Variants in NOC3L observed in about 807,000 individuals in gnomAD.
NOC3L encodes nucleolar complex protein 3 homolog.
A neutral mutation model predicts 102.5 loss-of-function variants in NOC3L; 85 were observed. The ratio of observed to expected loss-of-function variants is 0.83; its 90% CI spans 0.70 to 0.99. NOC3L has a LOEUF of 0.99. Among genes scored for constraint, NOC3L ranks in the 50% least tolerant of loss-of-function variants. The pLI, the probability that NOC3L is intolerant of heterozygous loss-of-function variation, is 0.00. For synonymous variants in NOC3L, 303 were observed against 309.4 expected (o/e 0.98, Z 0.22); for missense variants, 878 against 914.9 (o/e 0.96, Z 0.52).
chr10:94,324,966 G>GC, the NOC3L span: 1 of 1,614,108 alleles, frequency 6.2e-7, no homozygotes, highest in Non-Finnish European at 8.5e-7. Flanking sequence ...CAACTAAACA[G>GC]CCCCGAGGAC....
intron 7 of NOC3L, 53 bp from the exon 8 acceptor site, chr10:94,352,456 C>A: frequency 8.3e-7 from 1 of 1,199,940 alleles, no homozygotes; most frequent in Non-Finnish European, 1.2e-6. Flanking sequence ...ATTAAAAGCC[C>A]AAAATTAGTA....
the NOC3L span, chr10:94,322,109 T>C: frequency 1.9e-6 from 3 of 1,542,968 alleles, no homozygotes; most frequent in Non-Finnish European, 2.7e-6. Flanking sequence ...GCATAAATTA[T>C]TGGAACAAAT....
At chr10:94,357,590 T>TAA in intron 3 of NOC3L, 1 of 296,254 alleles carries the variant, frequency 3.4e-6, no homozygotes, top group Non-Finnish European at 6.1e-6. Context: ...AGGTGAAAGT[T>TAA]ACAGCAGATT....
chr10:94,349,265 G>A lies in NOC3L; in HGVS notation c.1242C>T (p.Tyr414=), dbSNP rs759124369. The change falls in exon 10 of 21, where the codon TAC becomes TAT. Residue 414 remains tyrosine, a synonymous_variant. Coordinates refer to ENST00000371361, the MANE Select transcript of NOC3L (RefSeq NM_022451.11). ...VISGFVKGRN[Y]EVRPEMLKTF... Reference sequence around the variant, plus strand: ...AAAGGCTCACCTCTGGCCTAACTTCGTAATTTCTGCCCTTCACAAAACCAG... The same window carrying A: ...AAAGGCTCACCTCTGGCCTAACTTCATAATTTCTGCCCTTCACAAAACCAG... 1.5e-5 allele frequency: 24 copies of A among 1,565,946 alleles called. No homozygotes were observed. The highest frequency in any genetic ancestry group is 2.8e-5 in the African/African-American group (2 of 71,046).
chr10:94,344,974 C>T (rs370353485), intron 11 of NOC3L, 41 bp from the exon 12 acceptor site: 11 of 1,437,792 alleles, frequency 7.7e-6, no homozygotes, highest in Non-Finnish European at 1.1e-5. Context: ...GAGCATATAC[C>T]ACAGAGTGAA....
rs935688490 is a variant in NOC3L at position 94,336,602 on chromosome 10, C to A, written c.2189+1175G>T. Among the ~76,000 whole-genome samples the A allele has an allele frequency of 4.1e-4, 62 of 151,856 alleles. 1 individual carries two copies. The highest frequency in any genetic ancestry group is 7.5e-4 in the Non-Finnish European group (51 of 67,928). The stretch of plus-strand genomic sequence containing the variant: ...ACCTCAGGTGATCCACCCGCATCGG[C>A]CTCCCAAAGTGCTGGGATTACAGGC... On this transcript the variant is annotated intron_variant, in intron 19 of 20. Transcript: ENST00000371361.
intron 10 of NOC3L, among the ~76,000 whole-genome samples, chr10:94,348,825 A>G (rs1589572058): frequency 6.6e-6 from 1 of 152,162 alleles, no homozygotes; most frequent in African/African-American, 2.4e-5. Flanking sequence ...TGAAAAAATA[A>G]TATGGCCAAA....
intron 6 of NOC3L, among the ~76,000 whole-genome samples, chr10:94,354,040 T>C (rs1174095115): frequency 1.3e-5 from 2 of 152,160 alleles, no homozygotes; most frequent in Non-Finnish European, 2.9e-5. Context: ...TTTCCAGCTG[T>C]AAAATTAGAT....
chr10:94,334,846 A>G, intron 19 of NOC3L, 128 bp from the exon 20 acceptor site: 1 of 665,202 alleles, frequency 1.5e-6, no homozygotes, highest in East Asian at 2.6e-5. Context: ...AAACTAACCA[A>G]CCAATCCAGT....
At chr10:94,356,475 A>AT in intron 5 of NOC3L, 60 bp downstream of exon 5, 1 of 1,006,662 alleles carries the variant, frequency 9.9e-7, no homozygotes, top group East Asian at 2.4e-5. Context: ...ATTAACTCAC[A>AT]TTTACTATTA....
chr10:94,328,803 C>CAGTT (rs1329546246), downstream of NOC3L: 3 of 151,938 alleles, frequency 2.0e-5, no homozygotes, highest in African/African-American at 7.3e-5. Flanking sequence ...ATTGCCTATT[C>CAGTT]AGTTAATAGG....
chr10:94,354,500 A>G (rs373032762), intron 6 of NOC3L, among the ~76,000 whole-genome samples: 5 of 152,330 alleles, frequency 3.3e-5, no homozygotes, highest in Middle Eastern at 3.4e-3. Flanking sequence ...ACGACTATAC[A>G]CATGGCACAA....
intron 14 of NOC3L, among the ~76,000 whole-genome samples, chr10:94,341,007 C>CA (rs2054278425): frequency 6.9e-6 from 1 of 145,534 alleles, no homozygotes; most frequent in South Asian, 2.2e-4. Flanking sequence ...AAAATTTCTA[C>CA]AAAAAAATAG....
In NOC3L at chr10:94,358,095, T is replaced by C. The variant is rs2054509024; in HGVS notation, c.338A>G (p.Asp113Gly). ...LGQRVSFLTR[D>G]LSSSEPVHAK... The stretch of plus-strand genomic sequence containing the variant: ...AATGAAGTATTACCTAGAAGAAAGA[T>C]CTCTTGTTAGAAAAGATACTCTTTG... Residue 113 changes from aspartate to glycine, a missense_variant, in exon 3 of 21, where the codon GAT becomes GGT. Transcript: ENST00000371361. 1 of 1,589,544 alleles carries C rather than the reference T, an allele frequency of 6.3e-7. No individual in the cohort carries two copies. Among genetic ancestry groups the C allele is most frequent in the Admixed American group, 1.7e-5 (1 of 59,766 alleles).
intron 2 of NOC3L, among the ~76,000 whole-genome samples, chr10:94,360,432 C>T (rs575243095): frequency 1.3e-5 from 2 of 152,010 alleles, no homozygotes; most frequent in Non-Finnish European, 2.9e-5. Context: ...AAACTAAAGG[C>T]CATTATGCTA....
At chr10:94,362,733 A>G in intron 1 of NOC3L, 97 bp downstream of exon 1, 2 of 1,357,426 alleles carry the variant, frequency 1.5e-6, no homozygotes, top group Non-Finnish European at 2.1e-6. Flanking sequence ...CGCCCCCTAG[A>G]CACGGGTGAA....
intron 15 of NOC3L, 34 bp from the exon 16 acceptor site, chr10:94,340,381 T>C: frequency 1.2e-6 from 2 of 1,608,364 alleles, no homozygotes; most frequent in Admixed American, 1.7e-5. Context: ...ATTAGGTATG[T>C]TATAGCATTC....
chr10:94,352,689 G>A (rs576345951), intron 7 of NOC3L, among the ~76,000 whole-genome samples: 26 of 152,208 alleles, frequency 1.7e-4, no homozygotes, highest in African/African-American at 6.0e-4. Flanking sequence ...GGGCCTGGTG[G>A]CGCATGCCTG....
intron 8 of NOC3L, among the ~76,000 whole-genome samples, chr10:94,351,450 A>G (rs140021761): frequency 1.4e-3 from 214 of 152,266 alleles, no homozygotes; most frequent in African/African-American, 4.9e-3. Flanking sequence ...AGAGTTTAAG[A>G]GTTTATCATC....
Sources: allele counts gnomAD v4.1 joint callset (sites outside exome capture counted in the v4.1 genomes callset), GRCh38; gene constraint gnomAD v4.1.1; transcripts MANE v1.5; gene names NCBI Gene and HGNC (gene_info 2026-07-23, HGNC 2026-07-21).